DGKB: variants seen among roughly 807,000 people sequenced by gnomAD.
DGKB encodes the protein diacylglycerol kinase beta, also known as 90 kDa diacylglycerol kinase.
DGKB carries 67 observed loss-of-function variants against 114.3 expected under a neutral mutation model. The ratio of observed to expected loss-of-function variants is 0.59; its 90% CI spans 0.48 to 0.72. DGKB has a LOEUF of 0.72. Ranked by LOEUF, DGKB falls within the 30% of genes least tolerant of loss-of-function variation. DGKB has a pLI of 0.00. For synonymous variants in DGKB, 398 were observed against 323.1 expected (o/e 1.23, Z -2.49); for missense variants, 907 against 975.2 (o/e 0.93, Z 0.93).
At chr7:14,244,792 G>A (rs928485092) in intron 23 of DGKB, among the ~76,000 whole-genome samples, 3 of 151,820 alleles carry the variant, frequency 2.0e-5, no homozygotes, top group African/African-American at 7.3e-5. Flanking sequence ...CACATGTGAG[G>A]GCACAGAGAA....
At chr7:14,584,412 C>T (rs1800413184) in intron 17 of DGKB, among the ~76,000 whole-genome samples, 1 of 152,064 alleles carries the variant, frequency 6.6e-6, no homozygotes, top group Admixed American at 6.6e-5. Flanking sequence ...CTGAATGGCT[C>T]CCACTGTCAA....
At chr7:14,652,693 T>C (rs1814822933) in intron 13 of DGKB, among the ~76,000 whole-genome samples, 1 of 149,684 alleles carries the variant, frequency 6.7e-6, no homozygotes, top group Non-Finnish European at 1.5e-5. Flanking sequence ...CAAAAGAAAC[T>C]ACCATCAGAG....
At chr7:14,857,526 T>G (rs1347251202) in intron 1 of DGKB, among the ~76,000 whole-genome samples, 2 of 152,120 alleles carry the variant, frequency 1.3e-5, no homozygotes, top group African/African-American at 4.8e-5. Context: ...CTGCAAAATT[T>G]GTGGTAATTT....
chr7:14,580,060 T>C (rs1200670725), intron 19 of DGKB, among the ~76,000 whole-genome samples: 2 of 152,214 alleles, frequency 1.3e-5, no homozygotes, highest in Non-Finnish European at 2.9e-5. Flanking sequence ...TTAGTGACTC[T>C]GCAAAATGTT....
At chr7:14,520,718 G>A (rs925782769) in intron 20 of DGKB, among the ~76,000 whole-genome samples, 2 of 151,912 alleles carry the variant, frequency 1.3e-5, no homozygotes, top group East Asian at 3.9e-4. Context: ...TATATTCATT[G>A]AGACTTGTTT....
intron 17 of DGKB, among the ~76,000 whole-genome samples, chr7:14,593,434 T>A (rs1802016499): frequency 6.6e-6 from 1 of 152,064 alleles, no homozygotes; most frequent in African/African-American, 2.4e-5. Context: ...ATGTACATGT[T>A]TCTTTAAAAA....
intron 21 of DGKB, among the ~76,000 whole-genome samples, chr7:14,453,211 G>C (rs1404427304): frequency 6.6e-6 from 1 of 152,122 alleles, no homozygotes; most frequent in Non-Finnish European, 1.5e-5. Flanking sequence ...TGCTTGTTCA[G>C]GGTCACCCAG....
chr7:14,387,741 T>G (rs1226169801), intron 21 of DGKB, among the ~76,000 whole-genome samples: 4 of 152,128 alleles, frequency 2.6e-5, no homozygotes, highest in African/African-American at 2.4e-5. Context: ...AGCTATAAAC[T>G]TAAATGATGG....
At chr7:14,474,634 A>G (rs1368432739) in intron 21 of DGKB, among the ~76,000 whole-genome samples, 1 of 151,978 alleles carries the variant, frequency 6.6e-6, no homozygotes, top group Non-Finnish European at 1.5e-5. Flanking sequence ...GGTAATAAAT[A>G]ATTATTAATA....
chr7:14,873,944 C>G (rs1024723280), intron 1 of DGKB, among the ~76,000 whole-genome samples: 16 of 151,824 alleles, frequency 1.1e-4, no homozygotes, highest in Admixed American at 7.2e-4. Context: ...TCTTATTAAT[C>G]AAAACATAAA....
At chr7:14,646,771 T>A (rs1585314282) in intron 13 of DGKB, among the ~76,000 whole-genome samples, 1 of 151,072 alleles carries the variant, frequency 6.6e-6, no homozygotes, top group Non-Finnish European at 1.5e-5. Context: ...AAGAAGAAAG[T>A]AAAAAAAATT....
chr7:14,538,638 T>C (rs904631818), intron 20 of DGKB, among the ~76,000 whole-genome samples: 19 of 152,182 alleles, frequency 1.2e-4, no homozygotes, highest in Non-Finnish European at 2.4e-4. Flanking sequence ...TGAATATGTA[T>C]CTGAAATAAT....
chr7:14,472,791 A>T (rs1386643815), intron 21 of DGKB, among the ~76,000 whole-genome samples: 3 of 152,100 alleles, frequency 2.0e-5, no homozygotes, highest in African/African-American at 7.2e-5. Context: ...AGCAAAGATG[A>T]CTTGTTATGT....
intron 20 of DGKB, among the ~76,000 whole-genome samples, chr7:14,544,796 GGA>G (rs1794024953): frequency 6.6e-6 from 1 of 151,980 alleles, no homozygotes; most frequent in Non-Finnish European, 1.5e-5. Context: ...AAATTCCTTA[GGA>G]GTGTCTTTTT....
At chr7:14,853,821 T>C (rs1849726803) in intron 1 of DGKB, among the ~76,000 whole-genome samples, 3 of 138,908 alleles carry the variant, frequency 2.2e-5, no homozygotes, top group African/African-American at 5.5e-5. Flanking sequence ...TGAGCCGAGA[T>C]TGGGCCACTG....
chr7:14,810,149 C>T (rs1843244010), intron 2 of DGKB, among the ~76,000 whole-genome samples: 1 of 152,174 alleles, frequency 6.6e-6, no homozygotes, highest in Non-Finnish European at 1.5e-5. Flanking sequence ...TGGGAATTGG[C>T]CTGAAACTAG....
chr7:14,385,065 G>T (rs992076616), intron 21 of DGKB, among the ~76,000 whole-genome samples: 6 of 152,084 alleles, frequency 3.9e-5, no homozygotes, highest in Non-Finnish European at 8.8e-5. Context: ...TGGAGGTTTT[G>T]CTGTACTCCT....
At chr7:14,153,247 T>C (rs549249154) in intron 25 of DGKB, among the ~76,000 whole-genome samples, 35 of 152,180 alleles carry the variant, frequency 2.3e-4, no homozygotes, top group African/African-American at 6.3e-4. Context: ...CCCTTTATTA[T>C]GAAAAGTAGC....
chr7:14,334,410 G>A (rs1218052144), intron 23 of DGKB, among the ~76,000 whole-genome samples: 1 of 151,292 alleles, frequency 6.6e-6, no homozygotes, highest in Non-Finnish European at 1.5e-5. Flanking sequence ...GCGCGTGTAT[G>A]TGGGTATGTA....
Sources: allele counts gnomAD v4.1 joint callset (sites outside exome capture counted in the v4.1 genomes callset), GRCh38; gene constraint gnomAD v4.1.1; transcripts MANE v1.5; gene names NCBI Gene and HGNC (gene_info 2026-07-23, HGNC 2026-07-21).